Variants in RANBP3 observed in about 807,000 individuals in gnomAD.
The protein encoded by RANBP3 is ran-binding protein 3.
RANBP3 carries 14 observed loss-of-function variants against 77.3 expected under a neutral mutation model. The observed-to-expected ratio is 0.18, with a 90% CI of 0.12 to 0.28. RANBP3 has a LOEUF of 0.28. Ranked by LOEUF, RANBP3 falls within the 10% of genes least tolerant of loss-of-function variation. The pLI is 1.00. For missense variants in RANBP3, 586 were observed against 752.3 expected (o/e 0.78, Z 2.59); for synonymous variants, 315 against 312.4 (o/e 1.01, Z -0.09).
intron 3 of RANBP3, among the ~76,000 whole-genome samples, chr19:5,948,177 G>A (rs1038399013): frequency 1.3e-5 from 2 of 152,144 alleles, no homozygotes; most frequent in Admixed American, 6.5e-5. Context: ...ATGGCTGGGC[G>A]TGGTGGCTCA....
At chr19:5,967,245 C>T (rs1261440966) in intron 1 of RANBP3, among the ~76,000 whole-genome samples, 1 of 152,212 alleles carries the variant, frequency 6.6e-6, no homozygotes, top group Admixed American at 6.5e-5. Context: ...GAATATATTT[C>T]TATAACTTTC....
chr19:5,966,711 T>C (rs186537276), intron 1 of RANBP3, among the ~76,000 whole-genome samples: 63 of 152,334 alleles, frequency 4.1e-4, no homozygotes, highest in Admixed American at 7.8e-4. Context: ...GGAAAACACA[T>C]ATAAGAGAGA....
intron 1 of RANBP3, among the ~76,000 whole-genome samples, chr19:5,961,400 G>T (rs1316916933): frequency 6.8e-6 from 1 of 146,044 alleles, no homozygotes; most frequent in Non-Finnish European, 1.5e-5. Flanking sequence ...GACAGAGCGA[G>T]ATTCCATCTC....
intron 6 of RANBP3, 165 bp from the exon 7 acceptor site, chr19:5,932,709 G>C: frequency 1.7e-6 from 1 of 594,232 alleles, no homozygotes; most frequent in South Asian, 2.0e-5. Context: ...CTGGCCAGGA[G>C]ATCTGGCTAC....
chr19:5,920,113 T>C (rs949228216), intron 14 of RANBP3, among the ~76,000 whole-genome samples: 1 of 152,020 alleles, frequency 6.6e-6, no homozygotes, highest in African/African-American at 2.4e-5. Context: ...AACAAAAAGA[T>C]GGTCCCAGCG....
At chr19:5,963,903 G>A (rs1327128354) in intron 1 of RANBP3, among the ~76,000 whole-genome samples, 1 of 152,130 alleles carries the variant, frequency 6.6e-6, no homozygotes, top group Non-Finnish European at 1.5e-5. Flanking sequence ...CAGCTCACAT[G>A]CCCAGACAGC....
intron 5 of RANBP3, among the ~76,000 whole-genome samples, chr19:5,938,051 C>T (rs2058089030): frequency 6.6e-6 from 1 of 152,162 alleles, no homozygotes; most frequent in Non-Finnish European, 1.5e-5. Context: ...CAGGATGAGA[C>T]CAGGTGGTCG....
At chr19:5,917,692 G>T in intron 16 of RANBP3, 39 bp from the exon 17 acceptor site, 2 of 1,597,536 alleles carry the variant, frequency 1.3e-6, no homozygotes. Context: ...GATGGAGCCC[G>T]CACTTCCCAG....
intron 1 of RANBP3, among the ~76,000 whole-genome samples, chr19:5,961,654 AC>A (rs2145228758): frequency 6.6e-6 from 1 of 152,154 alleles, no homozygotes; most frequent in African/African-American, 2.4e-5. Context: ...AATCACTTGA[AC>A]CTGGGACGCA....
intron 1 of RANBP3, among the ~76,000 whole-genome samples, chr19:5,961,743 CAA>C: frequency 6.6e-6 from 1 of 150,818 alleles, no homozygotes; most frequent in African/African-American, 2.4e-5. Flanking sequence ...CAAAACAAAA[CAA>C]AACAAAACAA....
At chr19:5,966,046 C>T (rs553637488) in intron 1 of RANBP3, 4 of 152,364 alleles carry the variant, frequency 2.6e-5, no homozygotes, top group East Asian at 1.9e-4. Context: ...CGCTCCACTC[C>T]GCTGCTGGCC....
At chr19:5,934,171 C>T (rs1030598984) in intron 5 of RANBP3, 4 of 152,286 alleles carry the variant, frequency 2.6e-5, no homozygotes, top group African/African-American at 7.2e-5. Flanking sequence ...CGCCCAGCCA[C>T]CTGTCCACAT....
intron 9 of RANBP3, among the ~76,000 whole-genome samples, chr19:5,926,099 G>A (rs1416717108): frequency 1.3e-5 from 2 of 152,198 alleles, no homozygotes; most frequent in African/African-American, 2.4e-5. Context: ...CTATGAACAT[G>A]ATAGAAGCAG....
chr19:5,938,514 A>C (rs2058094331), intron 5 of RANBP3, among the ~76,000 whole-genome samples: 1 of 151,874 alleles, frequency 6.6e-6, no homozygotes, highest in Admixed American at 6.6e-5. Context: ...ACACGGTGAA[A>C]CCCTCGTCTC....
In RANBP3 at chr19:5,917,436, A is replaced by C. The variant is rs2057752909; in HGVS notation, c.*174T>G. 1.6e-6 allele frequency: 1 copy of C among 634,890 alleles called. No individual in the cohort carries two copies. 39.3% of individuals were successfully genotyped at this position (634,890 alleles called of 1,614,324 possible). ...AGGTCTCGTGTCCCAAACCACATTCAGGCAGTTCCCGAGTCTGCTTTTGAA... is the reference window on the plus strand; with the variant it reads ...AGGTCTCGTGTCCCAAACCACATTCCGGCAGTTCCCGAGTCTGCTTTTGAA... On this transcript the variant is annotated 3_prime_UTR_variant, in exon 17 of 17. Coordinates refer to ENST00000340578, the MANE Select transcript of RANBP3 (RefSeq NM_007322.3).
chr19:5,962,299 C>T (rs1320868289), intron 1 of RANBP3, among the ~76,000 whole-genome samples: 1 of 152,178 alleles, frequency 6.6e-6, no homozygotes, highest in African/African-American at 2.4e-5. Flanking sequence ...GAGAAAACAT[C>T]TGACTGAAAG....
intron 1 of RANBP3, among the ~76,000 whole-genome samples, chr19:5,975,640 T>A (rs1465075298): frequency 6.8e-6 from 1 of 147,224 alleles, no homozygotes; most frequent in Non-Finnish European, 1.5e-5. Context: ...GGGGCAAACA[T>A]GCATGTAATA....
intron 5 of RANBP3, among the ~76,000 whole-genome samples, chr19:5,937,867 C>A (rs532904633): frequency 1.3e-5 from 2 of 152,286 alleles, no homozygotes; most frequent in South Asian, 2.1e-4. Context: ...TAACAGAGCT[C>A]AGCAGCACAA....
rs182761595 is a variant in RANBP3, at chr19:5,956,910, A to G, written c.78+1008T>C. On this transcript the variant is annotated intron_variant, in intron 2 of 16. Transcript: ENST00000340578. ...ACCAACAAGATGCAGACATCCTCAA[A>G]ATGCACCGAATTCAGCACAACACTT... is the stretch of plus-strand genomic sequence containing the variant. Among the ~76,000 whole-genome samples, 318 of 152,338 alleles carry G rather than the reference A, an allele frequency of 2.1e-3. 1 individual carries two copies. Among genetic ancestry groups the G allele is most frequent in the Middle Eastern group, 3.4e-3 (1 of 294 alleles).
Sources: gnomAD v4.1 joint callset for allele counts (sites outside exome capture counted in the v4.1 genomes callset) on GRCh38, gnomAD v4.1.1 for gene constraint, MANE v1.5 for transcripts, NCBI Gene and HGNC (gene_info 2026-07-23, HGNC 2026-07-21) for gene names.